The following FBXO11 variants were observed in gnomAD, a reference collection of about 807,000 sequenced individuals.
FBXO11 encodes F-box only protein 11.
In FBXO11, 13 loss-of-function variants were observed where a neutral mutation model predicts 117.0. The ratio of observed to expected loss-of-function variants is 0.11; its 90% CI spans 0.07 to 0.18. FBXO11 has a LOEUF of 0.18. Among genes scored for constraint, FBXO11 ranks in the 10% least tolerant of loss-of-function variants. FBXO11 has a pLI of 1.00. For synonymous variants in FBXO11, 490 were observed against 380.5 expected (o/e 1.29, Z -3.35); for missense variants, 767 against 1,164.4 (o/e 0.66, Z 4.97).
chr2:47,867,282 C>T (rs1675267800), intron 1 of FBXO11, among the ~76,000 whole-genome samples: 1 of 152,180 alleles, frequency 6.6e-6, no homozygotes, highest in Admixed American at 6.5e-5. Flanking sequence ...AAGAGCTCTG[C>T]TCCATAGAAT....
chr2:47,848,301 C>T (rs2103620298), intron 1 of FBXO11, among the ~76,000 whole-genome samples: 1 of 152,324 alleles, frequency 6.6e-6, no homozygotes, highest in East Asian at 1.9e-4. Context: ...GCTCCGCCTC[C>T]TGTCAGATCA....
At chr2:47,905,203 G>C in intron 1 of FBXO11, 1 of 219,716 alleles carries the variant, frequency 4.6e-6, no homozygotes, top group Non-Finnish European at 8.8e-6. Flanking sequence ...TGAGCGAGCG[G>C]AGAAGCCAAA....
chr2:47,858,982 T>A (rs1223049962), intron 1 of FBXO11, among the ~76,000 whole-genome samples: 1 of 140,348 alleles, frequency 7.1e-6, no homozygotes, highest in Non-Finnish European at 1.5e-5. Flanking sequence ...GAGGTCGCAG[T>A]GAGCAGAGAT....
intron 1 of FBXO11, among the ~76,000 whole-genome samples, chr2:47,858,219 AG>A (rs1269110900): frequency 2.0e-5 from 3 of 151,822 alleles, no homozygotes; most frequent in African/African-American, 7.2e-5. Context: ...CATGTTGGCC[AG>A]GCTGGTCTTG....
intron 18 of FBXO11, chr2:47,810,627 C>A: frequency 2.2e-6 from 1 of 463,252 alleles, no homozygotes; most frequent in Non-Finnish European, 3.8e-6. Flanking sequence ...CAGGTAAGAG[C>A]ATTCTGACCA....
At chr2:47,810,829 T>C (rs1372029534) in intron 18 of FBXO11, 2 of 155,148 alleles carry the variant, frequency 1.3e-5, no homozygotes, top group African/African-American at 4.8e-5. Context: ...CTGGCCCTTA[T>C]TACTATAATC....
At chr2:47,861,629 G>A (rs1674785182) in intron 1 of FBXO11, among the ~76,000 whole-genome samples, 1 of 152,058 alleles carries the variant, frequency 6.6e-6, no homozygotes, top group Non-Finnish European at 1.5e-5. Context: ...GCCCATTTAT[G>A]GTGACTCCAT....
chr2:47,859,312 G>A (rs1409404003), intron 1 of FBXO11, among the ~76,000 whole-genome samples: 2 of 151,698 alleles, frequency 1.3e-5, no homozygotes, highest in Non-Finnish European at 2.9e-5. Flanking sequence ...AATAAAAAAT[G>A]AAAAAAAATT....
chr2:47,878,872 G>A (rs1036530782), intron 1 of FBXO11, among the ~76,000 whole-genome samples: 4 of 151,862 alleles, frequency 2.6e-5, no homozygotes, highest in South Asian at 2.1e-4. Context: ...CCGGCTACTC[G>A]AGAGGCTGAG....
At chr2:47,839,106 G>C in intron 3 of FBXO11, 103 bp from the exon 4 acceptor site, 1 of 1,177,568 alleles carries the variant, frequency 8.5e-7, no homozygotes, top group South Asian at 1.7e-5. Flanking sequence ...TTTTTTTTTG[G>C]ATAATGGTCA....
At chr2:47,904,612 A>T (rs1049991124) in intron 1 of FBXO11, among the ~76,000 whole-genome samples, 115 of 137,306 alleles carry the variant, frequency 8.4e-4, no homozygotes, top group Non-Finnish European at 1.7e-3. Flanking sequence ...ACACACACAC[A>T]CACACACACA....
At chr2:47,905,329 G>A (rs902115965) in intron 1 of FBXO11, 160 bp downstream of exon 1, 1 of 702,404 alleles carries the variant, frequency 1.4e-6, no homozygotes, top group East Asian at 5.6e-5. Context: ...GCCCGGCCCG[G>A]GCTGACACTG....
At chr2:47,815,539 C>T (rs563002027) in intron 16 of FBXO11, among the ~76,000 whole-genome samples, 20 of 152,278 alleles carry the variant, frequency 1.3e-4, no homozygotes, top group Non-Finnish European at 1.9e-4. Flanking sequence ...CAGAGTAGTC[C>T]GCATGCCAAG....
intron 1 of FBXO11, among the ~76,000 whole-genome samples, chr2:47,852,485 A>G (rs1245946065): frequency 6.6e-6 from 1 of 152,208 alleles, no homozygotes; most frequent in Non-Finnish European, 1.5e-5. Flanking sequence ...TGTTCTACTG[A>G]CAGGCAGTTC....
chr2:47,880,208 G>A (rs1055653682), intron 1 of FBXO11, among the ~76,000 whole-genome samples: 1 of 152,112 alleles, frequency 6.6e-6, no homozygotes, highest in African/African-American at 2.4e-5. Flanking sequence ...ATGCTGCCAG[G>A]CTGGTCTCAA....
intron 11 of FBXO11, among the ~76,000 whole-genome samples, chr2:47,824,923 G>A (rs943477139): frequency 1.3e-5 from 2 of 151,972 alleles, no homozygotes; most frequent in East Asian, 1.9e-4. Context: ...AAATCCTTTC[G>A]GCACTAAGTA....
At chr2:47,832,240 C>G (rs1202954085) in intron 11 of FBXO11, 109 bp downstream of exon 11, 2 of 888,512 alleles carry the variant, frequency 2.3e-6, no homozygotes, top group Non-Finnish European at 1.7e-6. Context: ...GCTTTTAAAC[C>G]TATACTCTTC....
chr2:47,839,824 T>C (rs1008937401), intron 1 of FBXO11, 55 bp from the exon 2 acceptor site: 10 of 1,529,176 alleles, frequency 6.5e-6, no homozygotes, highest in Admixed American at 6.4e-5. Flanking sequence ...AAAAGTTCTA[T>C]GGATACAGAA....
At chr2:47,818,386 T>C (rs1156230029) in intron 16 of FBXO11, 1 of 161,530 alleles carries the variant, frequency 6.2e-6, no homozygotes, top group East Asian at 1.8e-4. Context: ...ATTAGAGGGG[T>C]ATCAAAAACT....
Sources: gnomAD v4.1 joint callset for allele counts (sites outside exome capture counted in the v4.1 genomes callset) on GRCh38, gnomAD v4.1.1 for gene constraint, MANE v1.5 for transcripts, NCBI Gene and HGNC (gene_info 2026-07-23, HGNC 2026-07-21) for gene names.